The following WIPF3 variants were observed in gnomAD, a reference collection of about 807,000 sequenced individuals.
WIPF3 encodes WAS/WASL-interacting protein family member 3.
WIPF3 carries 33 observed loss-of-function variants against 38.9 expected under a neutral mutation model. The observed-to-expected ratio is 0.85, with a 90% confidence interval of 0.64 to 1.14. The LOEUF (loss-of-function observed/expected upper bound fraction) is 1.14. Among genes scored for constraint, WIPF3 ranks in the 50% most tolerant of loss-of-function variants. WIPF3 has a pLI of 0.00. For missense variants in WIPF3, 711 were observed against 652.5 expected, an observed-to-expected ratio of 1.09 and a Z score of -0.98; for synonymous variants, 324 against 269.3, an observed-to-expected ratio of 1.20 and a Z score of -1.99.
chr7:29,825,558 C>T (rs77750593), intron 1 of WIPF3, among the ~76,000 whole-genome samples: 2 of 152,164 alleles, frequency 1.3e-5, no homozygotes, highest in South Asian at 2.1e-4. Context: ...ATATTTTCTC[C>T]TTTCACCCTT....
intron 2 of WIPF3, among the ~76,000 whole-genome samples, chr7:29,865,429 C>T (rs151132571): frequency 2.0e-4 from 31 of 152,248 alleles, no homozygotes; most frequent in African/African-American, 7.2e-4. Context: ...TGGGTAAATA[C>T]GCTTTTGGCA....
intron 2 of WIPF3, among the ~76,000 whole-genome samples, chr7:29,867,829 C>T (rs539789482): frequency 1.1e-4 from 16 of 152,148 alleles, no homozygotes; most frequent in African/African-American, 2.9e-4. Flanking sequence ...CCCACACCTG[C>T]GTGCTTTGTG....
At chr7:29,857,753 A>G (rs1467735747) in intron 2 of WIPF3, among the ~76,000 whole-genome samples, 2 of 152,170 alleles carry the variant, frequency 1.3e-5, no homozygotes, top group Admixed American at 6.5e-5. Flanking sequence ...CTCTGTGTGT[A>G]TATGTGATTT....
chr7:29,864,576 A>G (rs1785354040), intron 2 of WIPF3, among the ~76,000 whole-genome samples: 1 of 152,226 alleles, frequency 6.6e-6, no homozygotes, highest in African/African-American at 2.4e-5. Context: ...TATGGAAACA[A>G]ATAGGATTGT....
chr7:29,904,485 G>T, intron 8 of WIPF3, 123 bp downstream of exon 8: 3 of 773,868 alleles, frequency 3.9e-6, no homozygotes, highest in Non-Finnish European at 6.0e-6. Context: ...TTTTCCTCAG[G>T]GAAAGCCATT....
intron 1 of WIPF3, among the ~76,000 whole-genome samples, chr7:29,816,286 C>A (rs1381413379): frequency 6.6e-6 from 1 of 151,990 alleles, no homozygotes; most frequent in Non-Finnish European, 1.5e-5. Context: ...AGAGAAAAGG[C>A]ATACTCGTTC....
chr7:29,881,554 C>T (rs916532532), intron 4 of WIPF3, among the ~76,000 whole-genome samples: 24 of 152,230 alleles, frequency 1.6e-4, no homozygotes, highest in African/African-American at 5.5e-4. Flanking sequence ...TGTACCAATG[C>T]AGTCATGAAT....
At position 29,888,105 on chromosome 7, in the gene WIPF3, C is replaced by A; in HGVS notation, c.1137C>A (p.Pro379=). ...GAAAGCTAAATCCACCTCCAGCACC[C>A]CCTGCGAGATCACCTACCACAGAGC... The part of the protein sequence containing the change: ...GGGKLNPPPA[P]PARSPTTELS... The change falls in exon 6 of 9, where the codon CCC becomes CCA. Residue 379 remains proline (P), a synonymous_variant. Coordinates refer to ENST00000242140, the MANE Select transcript of WIPF3 (RefSeq NM_001080529.3). 1 of 1,613,904 alleles carries A rather than the reference C, an allele frequency of 6.2e-7. No homozygotes were observed. Among genetic ancestry groups the A allele is most frequent in the Non-Finnish European group, 8.5e-7 (1 of 1,179,882 alleles).
At chr7:29,860,287 T>C (rs528050796) in intron 2 of WIPF3, among the ~76,000 whole-genome samples, 1 of 152,240 alleles carries the variant, frequency 6.6e-6, no homozygotes, top group South Asian at 2.1e-4. Context: ...CAAACCTCAT[T>C]GTGAAATGTG....
chr7:29,879,177 T>C, intron 4 of WIPF3, 37 bp downstream of exon 4: 8 of 1,593,958 alleles, frequency 5.0e-6, no homozygotes, highest in Non-Finnish European at 6.9e-6. Context: ...TTGTGGTCTG[T>C]ATCTCCTTAA....
chr7:29,855,653 G>A (rs868438372), intron 2 of WIPF3, among the ~76,000 whole-genome samples: 5 of 152,284 alleles, frequency 3.3e-5, no homozygotes, highest in Middle Eastern at 3.4e-3. Context: ...GAGTGGACGA[G>A]CAGACCCAGG....
chr7:29,872,751 GCGC>G (rs1785519974), intron 2 of WIPF3, among the ~76,000 whole-genome samples: 1 of 136,262 alleles, frequency 7.3e-6, no homozygotes, highest in Non-Finnish European at 1.5e-5. Context: ...AGCCGAGATC[GCGC>G]CGCCACTGCA....
At chr7:29,822,832 T>A (rs949229854) in intron 1 of WIPF3, among the ~76,000 whole-genome samples, 11 of 152,236 alleles carry the variant, frequency 7.2e-5, no homozygotes, top group Admixed American at 1.3e-4. Context: ...AAGAAACAGA[T>A]ATTTTTACCG....
At chr7:29,820,377 G>A (rs2128062610) in intron 1 of WIPF3, among the ~76,000 whole-genome samples, 1 of 152,150 alleles carries the variant, frequency 6.6e-6, no homozygotes. Flanking sequence ...TTTAATATGT[G>A]AGCTCTGCCT....
At chr7:29,885,375 ACT>A (rs1380805638) in intron 5 of WIPF3, among the ~76,000 whole-genome samples, 1 of 152,168 alleles carries the variant, frequency 6.6e-6, no homozygotes, top group East Asian at 1.9e-4. Context: ...ACATATGCAC[ACT>A]CATAACACAC....
rs1442648832 is a variant in WIPF3 at position 29,888,184 on chromosome 7, G to A, written c.1216G>A (p.Gly406Ser). 6.2e-7 allele frequency: 1 copy of A among 1,612,232 alleles called. No homozygotes were observed. The highest frequency in any genetic ancestry group is 2.2e-5 in the East Asian group (1 of 44,828). ...TAWTPTQQPGGQLRNGSLHII... is the reference protein window; with the variant it reads ...TAWTPTQQPGSQLRNGSLHII... ...CTGGACCCCGACGCAGCAGCCTGGA[G>A]GTCAACTGCGAAATGGAAGCCTGCA... is the stretch of plus-strand genomic sequence containing the variant. Residue 406 changes from glycine to serine, a missense_variant, in exon 6 of 9, where the codon GGT becomes AGT. By Grantham distance (56) the Gly-to-Ser change is moderately conservative. Coordinates refer to ENST00000242140, the MANE Select transcript of WIPF3 (RefSeq NM_001080529.3).
At chr7:29,900,480 C>T (rs1310035608) in intron 7 of WIPF3, among the ~76,000 whole-genome samples, 3 of 152,082 alleles carry the variant, frequency 2.0e-5, no homozygotes, top group Non-Finnish European at 4.4e-5. Context: ...AGAGACTGAG[C>T]GGGCTCAGTT....
chr7:29,845,412 C>G lies in WIPF3; in HGVS notation c.90+10598C>G, dbSNP rs150512102. On this transcript the variant is annotated intron_variant, in intron 2 of 8. Coordinates refer to ENST00000242140, the MANE Select transcript of WIPF3 (RefSeq NM_001080529.3). ...CTTTGGCCACACAAAATTACTAAGTCTCTGCCTCTGAAGAGTTTAGAACCT... is the reference window on the plus strand; with the variant it reads ...CTTTGGCCACACAAAATTACTAAGTGTCTGCCTCTGAAGAGTTTAGAACCT... Among the ~76,000 whole-genome samples, 170 of 152,340 alleles carry G rather than the reference C, an allele frequency of 1.1e-3. 4 individuals carry two copies. In the East Asian group the frequency reaches 0.03, roughly 27 times the overall value.
intron 7 of WIPF3, 116 bp from the exon 8 acceptor site, chr7:29,904,170 C>A: frequency 1.1e-6 from 1 of 919,724 alleles, no homozygotes; most frequent in Non-Finnish European, 1.7e-6. Context: ...CAGTCTAGGG[C>A]CAGGATCCTG....
Sources: gnomAD v4.1 joint callset for allele counts (sites outside exome capture counted in the v4.1 genomes callset) on GRCh38, gnomAD v4.1.1 for gene constraint, MANE v1.5 for transcripts, NCBI Gene and HGNC (gene_info 2026-07-23, HGNC 2026-07-21) for gene names.